The following FAF1 variants were observed in gnomAD, a reference collection of about 807,000 sequenced individuals.
FAF1 encodes FAS-associated factor 1.
FAF1 carries 25 observed loss-of-function variants against 92.5 expected under a neutral mutation model. The observed-to-expected ratio is 0.27, with a 90% CI of 0.20 to 0.38. FAF1 has a LOEUF of 0.38. Ranked by LOEUF, FAF1 falls within the 10% of genes least tolerant of loss-of-function variation. The probability of loss-of-function intolerance (pLI) is 1.00; values close to 1 mark genes in which losing one functional copy is unlikely to be tolerated. For synonymous variants in FAF1, 234 were observed against 273.2 expected (o/e 0.86, Z 1.42); for missense variants, 636 against 793.3 (o/e 0.80, Z 2.38).
At chr1:50,455,192 C>T (rs1231017175) in intron 18 of FAF1, among the ~76,000 whole-genome samples, 14 of 152,218 alleles carry the variant, frequency 9.2e-5, no homozygotes, top group Admixed American at 7.9e-4. Context: ...AAGTCTGCAT[C>T]AGTTGCCCTT....
chr1:50,915,225 C>T (rs966415635), intron 1 of FAF1, among the ~76,000 whole-genome samples: 6 of 152,042 alleles, frequency 3.9e-5, no homozygotes, highest in African/African-American at 2.4e-5. Context: ...ACAAAATCAG[C>T]TGGCCACGGT....
In FAF1 at chr1:50,583,633, G is replaced by C. The variant is rs780390988; in HGVS notation, c.1031+19C>G. On this transcript the variant is annotated intron_variant, in intron 11 of 18. Transcript: ENST00000396153. This position sits in a 1 kb window ranked among gnomAD's most constrained non-coding sequence, Gnocchi z 4.2. ...CATAAAACAGCATCAAATTTATATA[G>C]TTAATGTCCTAACCCTACCTTGAAG... The C allele has an allele frequency of 6.8e-7, 1 of 1,461,248 alleles. No homozygotes were observed. Among genetic ancestry groups the C allele is most frequent in the South Asian group, 1.4e-5 (1 of 71,314 alleles). The allele number at this position is 1,461,248 out of a possible 1,614,324, so 90.5% of individuals were successfully genotyped here. A position where few individuals can be genotyped will look rare whatever the true frequency, so the allele number is the denominator to read the frequency against.
chr1:50,540,726 T>C (rs1648719095), intron 13 of FAF1, among the ~76,000 whole-genome samples: 1 of 152,172 alleles, frequency 6.6e-6, no homozygotes, highest in African/African-American at 2.4e-5. Flanking sequence ...TGGTAAAAAG[T>C]AAATGTCATA....
intron 6 of FAF1, among the ~76,000 whole-genome samples, chr1:50,720,729 G>T (rs1459135870): frequency 6.6e-6 from 1 of 152,180 alleles, no homozygotes; most frequent in Non-Finnish European, 1.5e-5. Context: ...TCATGTTACA[G>T]AAAAGGAGAC....
intron 6 of FAF1, among the ~76,000 whole-genome samples, chr1:50,723,745 C>CT (rs939544262): frequency 2.0e-5 from 3 of 151,310 alleles, no homozygotes; most frequent in African/African-American, 4.9e-5. Context: ...AACCCCATCT[C>CT]TTTTTTTTTC....
chr1:50,554,553 AC>A (rs1473200998), intron 13 of FAF1, among the ~76,000 whole-genome samples: 2 of 151,962 alleles, frequency 1.3e-5, no homozygotes, highest in African/African-American at 4.8e-5. Context: ...CTACTAATAT[AC>A]TTTTAACAGA....
At chr1:50,873,931 T>A (rs1359590403) in intron 1 of FAF1, among the ~76,000 whole-genome samples, 1 of 152,154 alleles carries the variant, frequency 6.6e-6, no homozygotes, top group African/African-American at 2.4e-5. Flanking sequence ...GTCTTATATC[T>A]CATCTCCAGG....
chr1:50,638,588 C>T (rs1025624956), intron 8 of FAF1, among the ~76,000 whole-genome samples: 3 of 151,950 alleles, frequency 2.0e-5, no homozygotes, highest in Admixed American at 6.6e-5. Context: ...AGATTACAGA[C>T]GCCCACCACC....
intron 8 of FAF1, among the ~76,000 whole-genome samples, chr1:50,653,417 C>A (rs1357568607): frequency 6.6e-6 from 1 of 152,158 alleles, no homozygotes; most frequent in East Asian, 1.9e-4. Context: ...ATGGCACAAT[C>A]TTGGCTCACT....
rs1003926666 is a variant in FAF1 at position 50,775,845 on chromosome 1, T to G, written c.367+12155A>C. Among the ~76,000 whole-genome samples, 12 of 152,120 alleles carry G rather than the reference T, an allele frequency of 7.9e-5. 1 individual carries two copies. The highest frequency in any genetic ancestry group is 2.7e-4 in the African/African-American group (11 of 41,448). Reference sequence around the variant, plus strand: ...GCAGTGAAGTCAGAAAAAAATTCTATCAAGTCTAAGTATTATCCTTAAGTA... The same window carrying G: ...GCAGTGAAGTCAGAAAAAAATTCTAGCAAGTCTAAGTATTATCCTTAAGTA... On this transcript the variant is annotated intron_variant, in intron 4 of 18. Transcript: ENST00000396153.
chr1:50,460,380 T>C (rs754948234), intron 18 of FAF1, among the ~76,000 whole-genome samples: 4 of 152,306 alleles, frequency 2.6e-5, no homozygotes, highest in East Asian at 1.9e-4. Flanking sequence ...GTGATTTTCC[T>C]GTTTAAAATG....
intron 7 of FAF1, among the ~76,000 whole-genome samples, chr1:50,662,651 A>G (rs926135015): frequency 6.6e-6 from 1 of 150,848 alleles, no homozygotes; most frequent in Non-Finnish European, 1.5e-5. Flanking sequence ...GTAACAACTA[A>G]TAATCACACA....
chr1:50,601,753 T>A (rs182365130), intron 8 of FAF1, among the ~76,000 whole-genome samples: 1 of 151,528 alleles, frequency 6.6e-6, no homozygotes, highest in African/African-American at 2.4e-5. Flanking sequence ...TATTCATATA[T>A]ACACATATAT....
chr1:50,927,286 C>T (rs1436020395), intron 1 of FAF1, among the ~76,000 whole-genome samples: 1 of 151,808 alleles, frequency 6.6e-6, no homozygotes, highest in African/African-American at 2.4e-5. Context: ...TTTTTTAAAG[C>T]TTACTGCATG....
intron 7 of FAF1, among the ~76,000 whole-genome samples, chr1:50,683,039 G>A (rs12354253): frequency 0.098 from 14,719 of 149,694 alleles, 788 homozygotes; most frequent in African/African-American, 0.14. Flanking sequence ...CACAAAAAAA[G>A]AAGAAAAAGG....
chr1:50,889,784 A>T (rs556947235), intron 1 of FAF1, among the ~76,000 whole-genome samples: 1 of 152,278 alleles, frequency 6.6e-6, no homozygotes, highest in Non-Finnish European at 1.5e-5. Context: ...TTTACTTCCA[A>T]CTATGTGGTC....
intron 1 of FAF1, among the ~76,000 whole-genome samples, chr1:50,926,020 A>G (rs1242345630): frequency 6.6e-6 from 1 of 152,226 alleles, no homozygotes; most frequent in Non-Finnish European, 1.5e-5. Flanking sequence ...GTTGAAGACC[A>G]GGCTGGGTAA....
intron 1 of FAF1, among the ~76,000 whole-genome samples, chr1:50,904,714 T>C (rs1184712456): frequency 2.6e-5 from 4 of 152,132 alleles, no homozygotes; most frequent in Non-Finnish European, 5.9e-5. Context: ...TAAATATTAC[T>C]AATGGTCCTA....
intron 8 of FAF1, among the ~76,000 whole-genome samples, chr1:50,632,136 TAAG>T (rs1653818509): frequency 6.6e-6 from 1 of 152,142 alleles, no homozygotes; most frequent in Non-Finnish European, 1.5e-5. Context: ...AAGTTAACAA[TAAG>T]AAGTAAGGGG....
Sources: allele counts gnomAD v4.1 joint callset (sites outside exome capture counted in the v4.1 genomes callset), GRCh38; gene constraint gnomAD v4.1.1; non-coding constraint Gnocchi (gnomAD v3.1); transcripts MANE v1.5; gene names NCBI Gene and HGNC (gene_info 2026-07-23, HGNC 2026-07-21).